AGMO: variants seen among roughly 807,000 people sequenced by gnomAD.
AGMO encodes the protein alkylglycerol monooxygenase.
A neutral mutation model predicts 60.2 loss-of-function variants in AGMO; 75 were observed. The observed-to-expected ratio is 1.25, with a 90% CI of 1.03 to 1.51. AGMO has a LOEUF of 1.51. Ranked by LOEUF, AGMO falls within the 40% of genes most tolerant of loss-of-function variation. The probability of loss-of-function intolerance (pLI) is 0.00; values close to 1 mark genes in which losing one functional copy is unlikely to be tolerated. For synonymous variants in AGMO, 261 were observed against 177.1 expected, an observed-to-expected ratio of 1.47 and a Z score of -3.76; for missense variants, 763 against 525.5, an observed-to-expected ratio of 1.45 and a Z score of -4.42.
intron 12 of AGMO, among the ~76,000 whole-genome samples, chr7:15,259,715 A>G (rs1233161722): frequency 6.6e-6 from 1 of 152,008 alleles, no homozygotes; most frequent in Non-Finnish European, 1.5e-5. Flanking sequence ...GTTTCTCAGC[A>G]GAATCCCTAC....
chr7:15,421,397 G>T (rs1053715106), intron 4 of AGMO, among the ~76,000 whole-genome samples: 1 of 152,092 alleles, frequency 6.6e-6, no homozygotes, highest in Non-Finnish European at 1.5e-5. Flanking sequence ...AGAAGCTTGG[G>T]CATAAGGAAA....
In AGMO at chr7:15,231,843, G is replaced by A. The variant is rs1267686920; in HGVS notation, c.1264-30484C>T. Among the ~76,000 whole-genome samples, 4 of 152,138 alleles carry A rather than the reference G, an allele frequency of 2.6e-5. No homozygotes were observed. In the South Asian group the frequency reaches 6.2e-4, roughly 24 times the overall value. On this transcript the variant is annotated intron_variant, in intron 12 of 12. Coordinates refer to ENST00000342526, the MANE Select transcript of AGMO (RefSeq NM_001004320.2). ...CTGGTACAAAGCTGTGCAGCTTTGT[G>A]GCTCAGGTATAACAGGAGTGGTCAA...
At chr7:15,127,270 G>A in the AGMO span, among the ~76,000 whole-genome samples, 1 of 152,078 alleles carries the variant, frequency 6.6e-6, no homozygotes, top group South Asian at 2.1e-4. Context: ...ATTTTACAGA[G>A]TTTGACTCTT....
the AGMO span, among the ~76,000 whole-genome samples, chr7:15,189,386 AG>A: frequency 6.6e-6 from 1 of 152,066 alleles, no homozygotes. Flanking sequence ...AACATTTTAC[AG>A]CCTCTCTTCC....
At chr7:15,400,344 T>C (rs535838981) in intron 5 of AGMO, among the ~76,000 whole-genome samples, 1 of 152,178 alleles carries the variant, frequency 6.6e-6, no homozygotes, top group Non-Finnish European at 1.5e-5. Context: ...GCTACTGGCA[T>C]CTAGTGAGCA....
chr7:15,529,552 A>AGAATATATATTCTATATATG (rs1562554646), intron 3 of AGMO, among the ~76,000 whole-genome samples: 20 of 116,764 alleles, frequency 1.7e-4, no homozygotes, highest in Admixed American at 1.4e-3. Context: ...TTCTATATAT[A>AGAATATATATTCTATATATG]TAGAATATAT....
At chr7:15,361,447 G>C (rs572490763) in intron 12 of AGMO, among the ~76,000 whole-genome samples, 2 of 150,714 alleles carry the variant, frequency 1.3e-5, no homozygotes, top group South Asian at 4.2e-4. Context: ...AGCTGAGGTG[G>C]GAGAATGGCG....
chr7:15,370,949 CAT>C (rs1037713511), intron 10 of AGMO, among the ~76,000 whole-genome samples: 3 of 152,082 alleles, frequency 2.0e-5, no homozygotes, highest in African/African-American at 7.2e-5. Context: ...AGGACTTACT[CAT>C]AAATTATTTC....
intron 12 of AGMO, among the ~76,000 whole-genome samples, chr7:15,339,812 A>T (rs1299058408): frequency 6.6e-6 from 1 of 152,170 alleles, no homozygotes; most frequent in African/African-American, 2.4e-5. Context: ...TAATGAAAGC[A>T]TGATATTTCT....
At chr7:15,422,820 A>G (rs578247049) in intron 4 of AGMO, among the ~76,000 whole-genome samples, 3 of 152,094 alleles carry the variant, frequency 2.0e-5, no homozygotes, top group Non-Finnish European at 4.4e-5. Context: ...GTGGGAGTGA[A>G]GAGGGTAGAT....
intron 12 of AGMO, among the ~76,000 whole-genome samples, chr7:15,272,274 C>T (rs1219798287): frequency 2.9e-5 from 3 of 105,036 alleles, no homozygotes; most frequent in Middle Eastern, 5.9e-3. Context: ...TGCTATCCCT[C>T]CCCCCTCCCC....
rs931665121 is a variant in AGMO, at chr7:15,351,933, T to C, written c.1263+13581A>G. On this transcript the variant is annotated intron_variant, in intron 12 of 12. Transcript: ENST00000342526. ...TTATTGTTACACAGTAACATATGAA[T>C]TCGGTAATATTGACCTAATAAAGCC... Among the ~76,000 whole-genome samples the C allele has an allele frequency of 8.5e-5, 13 of 152,330 alleles. No homozygotes were observed. In the East Asian group the frequency reaches 2.3e-3, roughly 27 times the overall value.
rs752295082 is a variant in AGMO at position 15,385,512 on chromosome 7, C to G, written c.1008G>C (p.Lys336Asn). ...PFSSSSSQLL[K>N]IYTVVQFALM... is the part of the protein sequence containing the mutation. ...GAGCAAACTGTACAACTGTATATAT[C>G]TTTAATAGCTGAGATGAAGATGATG... Residue 336 changes from lysine to asparagine, a missense_variant, in exon 10 of 13, where the codon AAG becomes AAC. Transcript: ENST00000342526. 6.2e-7 allele frequency: 1 copy of G among 1,613,376 alleles called. No homozygotes were observed.
At chr7:15,382,294 C>T (rs928041673) in intron 10 of AGMO, among the ~76,000 whole-genome samples, 1 of 152,162 alleles carries the variant, frequency 6.6e-6, no homozygotes, top group Non-Finnish European at 1.5e-5. Context: ...CAAAACATAT[C>T]TCCCATTTCT....
chr7:15,317,898 C>T (rs13225100), intron 12 of AGMO, among the ~76,000 whole-genome samples: 3 of 144,656 alleles, frequency 2.1e-5, no homozygotes, highest in East Asian at 2.0e-4. Context: ...TATATATATA[C>T]ACACACACGT....
intron 3 of AGMO, among the ~76,000 whole-genome samples, chr7:15,488,096 A>G (rs566872531): frequency 3.6e-4 from 55 of 152,206 alleles, no homozygotes; most frequent in Non-Finnish European, 5.7e-4. Flanking sequence ...GCCCATAAGC[A>G]AAGAGCAAGG....
intron 3 of AGMO, among the ~76,000 whole-genome samples, chr7:15,488,137 A>G (rs1007186726): frequency 6.6e-6 from 1 of 152,232 alleles, no homozygotes; most frequent in Non-Finnish European, 1.5e-5. Flanking sequence ...TGAAAAGTGG[A>G]ACACATTTTG....
At chr7:15,306,229 G>C (rs1298097983) in intron 12 of AGMO, 1 of 239,530 alleles carries the variant, frequency 4.2e-6, no homozygotes, top group Non-Finnish European at 8.4e-6. Flanking sequence ...TTCATTAAAT[G>C]CAACGTTTTG....
rs116600235 is a variant in AGMO, at chr7:15,352,324, T to C, written c.1263+13190A>G. ...ATGACGGTAAATAAACCCTGGAAAA[T>C]TCCTTCTCAGATTTTACCGCCTGAA... On this transcript the variant is annotated intron_variant, in intron 12 of 12. Coordinates refer to ENST00000342526, the MANE Select transcript of AGMO (RefSeq NM_001004320.2). Among the ~76,000 whole-genome samples the C allele has an allele frequency of 9.6e-3, 1,469 of 152,244 alleles. 29 individuals are homozygous for C. Among genetic ancestry groups the C allele is most frequent in the African/African-American group, 0.035 (1,437 of 41,540 alleles).
Sources: gnomAD v4.1 joint callset for allele counts (sites outside exome capture counted in the v4.1 genomes callset) on GRCh38, gnomAD v4.1.1 for gene constraint, MANE v1.5 for transcripts, NCBI Gene and HGNC (gene_info 2026-07-23, HGNC 2026-07-21) for gene names.